The following MDGA2 variants were observed in gnomAD, a reference collection of about 807,000 sequenced individuals.
The protein encoded by MDGA2 is MAM domain-containing glycosylphosphatidylinositol anchor protein 2.
A neutral mutation model predicts 117.8 loss-of-function variants in MDGA2; 40 were observed. That is an observed-to-expected ratio of 0.34 (90% CI 0.26 to 0.44). The LOEUF (loss-of-function observed/expected upper bound fraction) is 0.44, where lower values mean the gene tolerates loss of function less well. Among genes scored for constraint, MDGA2 ranks in the 20% least tolerant of loss-of-function variants. MDGA2 has a pLI of 1.00. For synonymous variants in MDGA2, 452 were observed against 439.0 expected (o/e 1.03, Z -0.37); for missense variants, 1,123 against 1,250.6 (o/e 0.90, Z 1.54).
intron 2 of MDGA2, among the ~76,000 whole-genome samples, chr14:47,243,008 TC>T (rs1159322684): frequency 6.6e-6 from 1 of 151,754 alleles, no homozygotes; most frequent in Non-Finnish European, 1.5e-5. Flanking sequence ...AGTGCACCAG[TC>T]GACACTCTGT....
intron 12 of MDGA2, among the ~76,000 whole-genome samples, chr14:46,876,123 AT>A (rs1882218169): frequency 6.6e-6 from 1 of 151,492 alleles, no homozygotes; most frequent in African/African-American, 2.4e-5. Context: ...TGTTTATAAT[AT>A]TATAACTAGT....
At chr14:47,117,059 AAAC>A (rs1881372288) in intron 5 of MDGA2, among the ~76,000 whole-genome samples, 1 of 120,182 alleles carries the variant, frequency 8.3e-6, no homozygotes, top group Non-Finnish European at 1.9e-5. Flanking sequence ...CAATAGCAAA[AAAC>A]AAACAAACAA....
rs143089754 is a variant in MDGA2 at position 47,044,859 on chromosome 14, A to C, written c.1526-9555T>G. Among the ~76,000 whole-genome samples, 31 of 152,272 alleles carry C rather than the reference A, an allele frequency of 2.0e-4. No homozygotes were observed. The East Asian group carries it at 3.5e-3, about 17-fold the overall frequency. The stretch of plus-strand genomic sequence containing the variant: ...ATACATAATGACTATTTTTGAAAGA[A>C]ATGGGGAAATCTTATTAGAACGGCA... On this transcript the variant is annotated intron_variant, in intron 7 of 16. Transcript: ENST00000399232.
chr14:47,645,896 C>T (rs540337611), intron 1 of MDGA2, among the ~76,000 whole-genome samples: 1 of 151,582 alleles, frequency 6.6e-6, no homozygotes, highest in South Asian at 2.1e-4. Context: ...CACGATGAAA[C>T]CCAGTCTCTA....
chr14:46,973,608 GCATTTAAAAATGTAGGTAT>G (rs1180488177), intron 8 of MDGA2, among the ~76,000 whole-genome samples: 1 of 152,080 alleles, frequency 6.6e-6, no homozygotes, highest in African/African-American at 2.4e-5. Flanking sequence ...TAGAATATAT[GCATTTAAAAATGTAGGTAT>G]CAGTGAAACG....
At chr14:47,102,082 T>A (rs1353818099) in intron 5 of MDGA2, among the ~76,000 whole-genome samples, 1 of 152,154 alleles carries the variant, frequency 6.6e-6, no homozygotes, top group Non-Finnish European at 1.5e-5. Flanking sequence ...AAGATAAGCA[T>A]CCTTTTTAAA....
chr14:47,589,872 A>C (rs1368310996), intron 1 of MDGA2, among the ~76,000 whole-genome samples: 1 of 151,886 alleles, frequency 6.6e-6, no homozygotes, highest in Non-Finnish European at 1.5e-5. Flanking sequence ...CAGTGTACAA[A>C]TCTTGCACTT....
At chr14:47,054,203 C>G (rs1889581336) in intron 7 of MDGA2, among the ~76,000 whole-genome samples, 1 of 151,944 alleles carries the variant, frequency 6.6e-6, no homozygotes, top group Admixed American at 6.6e-5. Context: ...TTCATTCATT[C>G]TATTTCCTCA....
chr14:47,599,710 T>C (rs1317020887), intron 1 of MDGA2, among the ~76,000 whole-genome samples: 3 of 152,104 alleles, frequency 2.0e-5, no homozygotes, highest in Non-Finnish European at 2.9e-5. Context: ...CACAGATAAA[T>C]AAGGACAAGA....
chr14:47,174,212 C>G (rs1438026514), intron 3 of MDGA2, among the ~76,000 whole-genome samples: 1 of 152,072 alleles, frequency 6.6e-6, no homozygotes, highest in Non-Finnish European at 1.5e-5. Context: ...GACTTTAACA[C>G]CCCATTGTCA....
chr14:47,033,742 T>C (rs956767624), intron 8 of MDGA2, among the ~76,000 whole-genome samples: 28 of 152,180 alleles, frequency 1.8e-4, no homozygotes, highest in African/African-American at 6.0e-4. Context: ...AATATCAGTT[T>C]GCGTGTTTAT....
intron 1 of MDGA2, among the ~76,000 whole-genome samples, chr14:47,654,345 G>C (rs1340858111): frequency 6.6e-6 from 1 of 152,028 alleles, no homozygotes; most frequent in South Asian, 2.1e-4. Flanking sequence ...CCTGTTAAGA[G>C]ACTAGTGTTT....
At chr14:47,195,658 T>G (rs1322765978) in intron 3 of MDGA2, among the ~76,000 whole-genome samples, 1 of 152,068 alleles carries the variant, frequency 6.6e-6, no homozygotes, top group African/African-American at 2.4e-5. Context: ...GTATCTTAAA[T>G]AGAAATTTAA....
At chr14:47,077,218 G>C (rs190813527) in intron 6 of MDGA2, among the ~76,000 whole-genome samples, 1 of 152,006 alleles carries the variant, frequency 6.6e-6, no homozygotes, top group Admixed American at 6.5e-5. Flanking sequence ...AATGGCTACA[G>C]GCAGGCATGC....
chr14:47,276,291 G>A (rs942836239), intron 2 of MDGA2, among the ~76,000 whole-genome samples: 16 of 152,082 alleles, frequency 1.1e-4, no homozygotes, highest in Non-Finnish European at 1.6e-4. Context: ...CTAAGTCTTG[G>A]AAATGATAAA....
chr14:47,058,698 C>A, intron 7 of MDGA2: 1 of 985,278 alleles, frequency 1.0e-6, no homozygotes, highest in Non-Finnish European at 1.2e-6. Context: ...TTCTAGTATT[C>A]CACTCTATTG....
At chr14:46,880,121 A>G (rs1595016314) in intron 11 of MDGA2, among the ~76,000 whole-genome samples, 1 of 152,092 alleles carries the variant, frequency 6.6e-6, no homozygotes, top group Non-Finnish European at 1.5e-5. Flanking sequence ...TGAGGTCAGA[A>G]GTTTGAGACC....
intron 1 of MDGA2, among the ~76,000 whole-genome samples, chr14:47,333,779 T>C (rs1890361521): frequency 2.0e-5 from 3 of 151,880 alleles, no homozygotes; most frequent in African/African-American, 7.2e-5. Context: ...CTCAAATCTA[T>C]TTTACTAAGT....
At chr14:47,143,579 C>T (rs1162074486) in intron 4 of MDGA2, among the ~76,000 whole-genome samples, 3 of 151,886 alleles carry the variant, frequency 2.0e-5, no homozygotes, top group African/African-American at 7.3e-5. Flanking sequence ...TCATTTTTAG[C>T]ATAATTAAAG....
Sources: gnomAD v4.1 joint callset for allele counts (sites outside exome capture counted in the v4.1 genomes callset) on GRCh38, gnomAD v4.1.1 for gene constraint, MANE v1.5 for transcripts, NCBI Gene and HGNC (gene_info 2026-07-23, HGNC 2026-07-21) for gene names.